Variants in MVB12B observed in about 807,000 individuals in gnomAD.
The protein encoded by MVB12B is ESCRT-I complex subunit MVB12B.
A neutral mutation model predicts 41.6 loss-of-function variants in MVB12B; 16 were observed. The ratio of observed to expected loss-of-function variants is 0.38; its 90% CI spans 0.26 to 0.58. The LOEUF (loss-of-function observed/expected upper bound fraction) is 0.58. MVB12B is among the 20% of genes least tolerant of loss of function. The pLI is 0.62. For synonymous variants in MVB12B, 133 were observed against 139.7 expected (o/e 0.95, Z 0.34); for missense variants, 274 against 380.2 (o/e 0.72, Z 2.32).
At chr9:126,432,810 C>G (rs1163075811) in intron 7 of MVB12B, among the ~76,000 whole-genome samples, 1 of 152,140 alleles carries the variant, frequency 6.6e-6, no homozygotes, top group Non-Finnish European at 1.5e-5. Context: ...GCACAGGTTG[C>G]GTGTGACCGT....
At chr9:126,407,555 G>A (rs775830729) in intron 6 of MVB12B, among the ~76,000 whole-genome samples, 3 of 152,150 alleles carry the variant, frequency 2.0e-5, no homozygotes, top group Non-Finnish European at 4.4e-5. Context: ...TCTGAGTTAA[G>A]CATCCCCAAA....
intron 2 of MVB12B, among the ~76,000 whole-genome samples, chr9:126,350,573 CAG>C (rs1453020104): frequency 6.6e-6 from 1 of 152,224 alleles, no homozygotes; most frequent in Non-Finnish European, 1.5e-5. Flanking sequence ...GAAGATTCAG[CAG>C]AGTCCCAAAA....
At chr9:126,422,617 G>GT in intron 7 of MVB12B, among the ~76,000 whole-genome samples, 1 of 152,228 alleles carries the variant, frequency 6.6e-6, no homozygotes, top group Non-Finnish European at 1.5e-5. Context: ...TGGGCCGCCA[G>GT]TGAGGGGTGT....
chr9:126,353,971 T>C (rs776018958), intron 2 of MVB12B, among the ~76,000 whole-genome samples: 11 of 152,368 alleles, frequency 7.2e-5, no homozygotes, highest in Middle Eastern at 6.8e-3. Context: ...TAGTAAACAG[T>C]ATATCCAAAT....
intron 7 of MVB12B, among the ~76,000 whole-genome samples, chr9:126,457,701 C>A (rs879361979): frequency 3.9e-5 from 6 of 152,080 alleles, no homozygotes; most frequent in Non-Finnish European, 8.8e-5. Flanking sequence ...TCAGACAACA[C>A]AGGTTGAGAC....
intron 2 of MVB12B, among the ~76,000 whole-genome samples, chr9:126,356,495 T>C (rs1257850056): frequency 2.0e-5 from 3 of 152,140 alleles, no homozygotes. Flanking sequence ...AGTGTATGAT[T>C]TGATGAGTTT....
chr9:126,429,702 T>A (rs1832278783), intron 7 of MVB12B, among the ~76,000 whole-genome samples: 1 of 152,238 alleles, frequency 6.6e-6, no homozygotes, highest in South Asian at 2.1e-4. Flanking sequence ...AATATTCATG[T>A]AGGCCTGGCT....
At chr9:126,335,911 G>A (rs996742446) in intron 1 of MVB12B, among the ~76,000 whole-genome samples, 20 of 152,050 alleles carry the variant, frequency 1.3e-4, no homozygotes, top group Admixed American at 9.8e-4. Context: ...CCTGCCCCCC[G>A]TTAATACTTT....
chr9:126,473,370 T>C lies in MVB12B; in HGVS notation c.758-7999T>C, dbSNP rs1276526701. Among the ~76,000 whole-genome samples, 2 of 152,234 alleles carry C rather than the reference T, an allele frequency of 1.3e-5. No homozygotes were observed. Among genetic ancestry groups the C allele is most frequent in the African/African-American group, 2.4e-5 (1 of 41,464 alleles). On this transcript the variant is annotated intron_variant, in intron 7 of 9. Coordinates refer to ENST00000361171, the MANE Select transcript of MVB12B (RefSeq NM_033446.3). The surrounding 1 kb of genome is among the most constrained non-coding windows in gnomAD (Gnocchi z 4.0). ...GGCTCCAGCCAAGCCTCATAACTCC[T>C]CTAAGCCTTGCAAGTGGTGTATTAG...
chr9:126,400,750 A>G (rs951079293), intron 6 of MVB12B, among the ~76,000 whole-genome samples: 3 of 152,168 alleles, frequency 2.0e-5, no homozygotes, highest in African/African-American at 7.2e-5. Context: ...TGGATAGTGG[A>G]GAGTTGCTGC....
chr9:126,417,458 A>C (rs887197991), intron 6 of MVB12B, among the ~76,000 whole-genome samples: 3 of 152,118 alleles, frequency 2.0e-5, no homozygotes, highest in Non-Finnish European at 4.4e-5. Flanking sequence ...GGTTTCCTCC[A>C]TAATGGAGAG....
chr9:126,400,138 T>C (rs1446656900), intron 6 of MVB12B, among the ~76,000 whole-genome samples: 2 of 152,122 alleles, frequency 1.3e-5, no homozygotes, highest in African/African-American at 4.8e-5. Flanking sequence ...AAATCCAGTG[T>C]CAAGTTTGAG....
chr9:126,340,761 G>T lies in MVB12B; in HGVS notation c.204+131G>T, dbSNP rs574448670. ...TCTAGGAACTTAATCCAGGGAGGGC[G>T]TGGAGAGCATCCTGGTTTGGGAGTC... is the stretch of plus-strand genomic sequence containing the variant. On this transcript the variant is annotated intron_variant, in intron 2 of 9. Transcript: ENST00000361171. The surrounding 1 kb of genome is among the most constrained non-coding windows in gnomAD (Gnocchi z 4.0). 1.8e-6 allele frequency: 2 copies of T among 1,097,814 alleles called. No homozygotes were observed. Among genetic ancestry groups the T allele is most frequent in the Non-Finnish European group, 2.6e-6 (2 of 777,678 alleles). 68.0% of individuals were successfully genotyped at this position (1,097,814 alleles called of 1,614,324 possible).
intron 6 of MVB12B, among the ~76,000 whole-genome samples, chr9:126,403,950 C>CTTTTTTTTTTTT (rs36030597): frequency 9.5e-6 from 1 of 104,732 alleles, no homozygotes; most frequent in Non-Finnish European, 1.9e-5. Context: ...TCCTTTAAAT[C>CTTTTTTTTTTTT]TTTTTTTTTT....
intron 7 of MVB12B, chr9:126,448,095 G>C (rs1832822159): frequency 6.5e-6 from 1 of 152,776 alleles, no homozygotes; most frequent in African/African-American, 2.4e-5. Flanking sequence ...GAGCCCTCCT[G>C]TTCCCCACCA....
rs543982548 is a variant in MVB12B at position 126,382,492 on chromosome 9, A to C, written c.312+1321A>C. On this transcript the variant is annotated intron_variant, in intron 3 of 9. Coordinates refer to ENST00000361171, the MANE Select transcript of MVB12B (RefSeq NM_033446.3). ...GAAATCTTTTCAATTCAGGCTTTTGAGTGTATTTTAAATACCAGGAAGGTG... is the reference window on the plus strand; with the variant it reads ...GAAATCTTTTCAATTCAGGCTTTTGCGTGTATTTTAAATACCAGGAAGGTG... Among the ~76,000 whole-genome samples the C allele has an allele frequency of 7.9e-5, 12 of 152,316 alleles. No individual in the cohort carries two copies. The South Asian group carries it at 1.0e-3, about 13-fold the overall frequency.
chr9:126,466,349 C>T (rs978101031), intron 7 of MVB12B, among the ~76,000 whole-genome samples: 1 of 152,226 alleles, frequency 6.6e-6, no homozygotes, highest in Non-Finnish European at 1.5e-5. Flanking sequence ...GGAAGTCTAA[C>T]CTGGCCTCAC....
chr9:126,405,426 C>T (rs555376784), intron 6 of MVB12B, among the ~76,000 whole-genome samples: 4 of 152,056 alleles, frequency 2.6e-5, no homozygotes, highest in Non-Finnish European at 5.9e-5. Flanking sequence ...TATCAGTTCA[C>T]TTTAGGGTCG....
chr9:126,375,201 T>A (rs1044652357), intron 2 of MVB12B, among the ~76,000 whole-genome samples: 1 of 152,224 alleles, frequency 6.6e-6, no homozygotes, highest in Non-Finnish European at 1.5e-5. Flanking sequence ...TGAATACCAC[T>A]GAATCAAGTA....
Sources: allele counts gnomAD v4.1 joint callset (sites outside exome capture counted in the v4.1 genomes callset), GRCh38; gene constraint gnomAD v4.1.1; non-coding constraint Gnocchi (gnomAD v3.1); transcripts MANE v1.5; gene names NCBI Gene and HGNC (gene_info 2026-07-23, HGNC 2026-07-21).